The following NAALADL2 variants were observed in gnomAD, a reference collection of about 807,000 sequenced individuals.
NAALADL2 encodes the protein inactive N-acetylated-alpha-linked acidic dipeptidase-like protein 2.
In NAALADL2, 76 loss-of-function variants were observed where a neutral mutation model predicts 87.2. The observed-to-expected ratio is 0.87, with a 90% CI of 0.72 to 1.05. NAALADL2 has a LOEUF of 1.05. Among genes scored for constraint, NAALADL2 ranks in the 50% least tolerant of loss-of-function variants. The pLI is 0.00. For missense variants in NAALADL2, 1,089 were observed against 945.8 expected (o/e 1.15, Z -1.99); for synonymous variants, 354 against 331.0 (o/e 1.07, Z -0.75).
chr3:175,608,758 A>T (rs991614134), intron 10 of NAALADL2, among the ~76,000 whole-genome samples: 3 of 152,164 alleles, frequency 2.0e-5, no homozygotes, highest in African/African-American at 7.2e-5. Flanking sequence ...TTCCATCACA[A>T]GCTTAGTGAA....
intron 1 of NAALADL2, among the ~76,000 whole-genome samples, chr3:175,014,814 A>G (rs994664468): frequency 2.0e-5 from 3 of 151,952 alleles, no homozygotes; most frequent in Admixed American, 6.6e-5. Context: ...TGCACATTCT[A>G]TTTCTCTCTT....
chr3:174,713,970 T>C (rs1464045540), intron 2 of NAALADL2, among the ~76,000 whole-genome samples: 1 of 152,178 alleles, frequency 6.6e-6, no homozygotes, highest in Non-Finnish European at 1.5e-5. Context: ...CTTGAATTAA[T>C]TTTTATATAA....
intron 13 of NAALADL2, among the ~76,000 whole-genome samples, chr3:175,777,775 A>G (rs549554743): frequency 3.3e-5 from 5 of 152,234 alleles, no homozygotes; most frequent in South Asian, 2.1e-4. Flanking sequence ...CCAGACCACA[A>G]AAGTCTTTCA....
At chr3:175,292,481 T>C (rs1581278831) in intron 4 of NAALADL2, among the ~76,000 whole-genome samples, 1 of 152,120 alleles carries the variant, frequency 6.6e-6, no homozygotes, top group Non-Finnish European at 1.5e-5. Flanking sequence ...AGCTGCAAAA[T>C]GCTTAACACT....
At chr3:174,764,779 T>G (rs767693880) in intron 3 of NAALADL2, among the ~76,000 whole-genome samples, 21 of 152,162 alleles carry the variant, frequency 1.4e-4, no homozygotes, top group Non-Finnish European at 2.9e-4. Context: ...AATAAGGACC[T>G]GTACTCTGGC....
chr3:175,757,858 T>C (rs779991673), intron 13 of NAALADL2, among the ~76,000 whole-genome samples: 41 of 152,090 alleles, frequency 2.7e-4, no homozygotes, highest in South Asian at 2.1e-4. Flanking sequence ...TATTAAAAAG[T>C]CATAAAGTAG....
intron 1 of NAALADL2, among the ~76,000 whole-genome samples, chr3:174,881,381 C>T (rs1388263520): frequency 6.6e-6 from 1 of 152,036 alleles, no homozygotes; most frequent in African/African-American, 2.4e-5. Context: ...ATATGGTACA[C>T]AAAACATATT....
At chr3:174,958,623 C>G (rs933490505) in intron 1 of NAALADL2, among the ~76,000 whole-genome samples, 1 of 151,992 alleles carries the variant, frequency 6.6e-6, no homozygotes, top group Non-Finnish European at 1.5e-5. Flanking sequence ...GAAACAAGTG[C>G]CAGCACAAGG....
intron 11 of NAALADL2, among the ~76,000 whole-genome samples, chr3:175,731,067 T>C (rs1743676916): frequency 6.6e-6 from 1 of 152,174 alleles, no homozygotes; most frequent in Admixed American, 6.5e-5. Flanking sequence ...TGGCAAGAAG[T>C]AAAGAATTTA....
intron 2 of NAALADL2, among the ~76,000 whole-genome samples, chr3:174,556,847 C>T (rs1362883171): frequency 1.3e-5 from 2 of 151,996 alleles, no homozygotes; most frequent in African/African-American, 4.8e-5. Flanking sequence ...CTCAAGCAAT[C>T]CTCCCACCTC....
chr3:175,606,075 T>C (rs1454864084), intron 10 of NAALADL2, among the ~76,000 whole-genome samples: 1 of 152,212 alleles, frequency 6.6e-6, no homozygotes, highest in Non-Finnish European at 1.5e-5. Flanking sequence ...CGATGTTGTA[T>C]GTCCTCAGAA....
At chr3:175,299,881 G>C (rs1458785322) in intron 4 of NAALADL2, among the ~76,000 whole-genome samples, 1 of 152,146 alleles carries the variant, frequency 6.6e-6, no homozygotes, top group African/African-American at 2.4e-5. Context: ...CAAAGGAAAT[G>C]CTTTCAGCTT....
At chr3:174,596,541 G>T (rs1172571128) in intron 2 of NAALADL2, among the ~76,000 whole-genome samples, 1 of 149,794 alleles carries the variant, frequency 6.7e-6, no homozygotes, top group African/African-American at 2.4e-5. Flanking sequence ...TAGGTCTTGG[G>T]TAGAGAATGA....
chr3:174,590,791 A>G (rs547292128), intron 2 of NAALADL2, among the ~76,000 whole-genome samples: 9 of 152,256 alleles, frequency 5.9e-5, no homozygotes, highest in African/African-American at 2.2e-4. Context: ...TGTTGTTGGT[A>G]TGAGGATTAA....
intron 9 of NAALADL2, among the ~76,000 whole-genome samples, chr3:175,575,099 G>C (rs1718669771): frequency 6.6e-6 from 1 of 152,066 alleles, no homozygotes; most frequent in African/African-American, 2.4e-5. Flanking sequence ...TTGCATGCCA[G>C]ACAACTCTTA....
chr3:174,559,553 A>G (rs752592479), intron 2 of NAALADL2, among the ~76,000 whole-genome samples: 23 of 152,188 alleles, frequency 1.5e-4, no homozygotes, highest in African/African-American at 2.2e-4. Context: ...TTGGGCTGCT[A>G]TAACAAAATA....
chr3:174,853,927 A>G (rs9849969), intron 3 of NAALADL2, among the ~76,000 whole-genome samples: 30,573 of 152,096 alleles, frequency 0.2, 3,286 homozygotes, highest in East Asian at 0.44. Flanking sequence ...ATAAACTATT[A>G]TTGGGAATGT....
At chr3:174,682,439 G>A (rs1578530698) in intron 2 of NAALADL2, among the ~76,000 whole-genome samples, 1 of 152,198 alleles carries the variant, frequency 6.6e-6, no homozygotes, top group East Asian at 1.9e-4. Flanking sequence ...GGTTACCACA[G>A]GCCTTGGTGA....
rs564176009 is a variant in NAALADL2, at chr3:174,982,966, T to A, written c.44-113824T>A. ...GTGCCCGCCACCACGCCTGGCTAAT[T>A]TTTTTGTATTTTTAGTAGAGACGGG... is the stretch of plus-strand genomic sequence containing the variant. On this transcript the variant is annotated intron_variant, in intron 1 of 13. Coordinates refer to ENST00000454872, the MANE Select transcript of NAALADL2 (RefSeq NM_207015.3). Among the ~76,000 whole-genome samples, 14 of 152,100 alleles carry A rather than the reference T, an allele frequency of 9.2e-5. 1 individual carries two copies. The South Asian group carries it at 2.7e-3, about 29-fold the overall frequency.
Sources: allele counts gnomAD v4.1 joint callset (sites outside exome capture counted in the v4.1 genomes callset), GRCh38; gene constraint gnomAD v4.1.1; transcripts MANE v1.5; gene names NCBI Gene and HGNC (gene_info 2026-07-23, HGNC 2026-07-21).